CTNNA3: variants seen among roughly 807,000 people sequenced by gnomAD.
The protein encoded by CTNNA3 is catenin alpha-3.
Under a neutral mutation model 95.7 loss-of-function variants are expected in CTNNA3, and 76 were observed. The ratio of observed to expected loss-of-function variants is 0.79; its 90% CI spans 0.66 to 0.96. The LOEUF (loss-of-function observed/expected upper bound fraction) is 0.96. CTNNA3 is among the 40% of genes least tolerant of loss of function. CTNNA3 has a pLI of 0.00. For synonymous variants in CTNNA3, 431 were observed against 374.4 expected (o/e 1.15, Z -1.74); for missense variants, 1,191 against 1,089.8 (o/e 1.09, Z -1.31).
chr10:66,553,921 T>C (rs7912769), intron 10 of CTNNA3, among the ~76,000 whole-genome samples: 138,789 of 152,176 alleles, frequency 0.91, 63,623 homozygotes, highest in East Asian at 0.98. Context: ...AGGCTATTTT[T>C]GTCATATATT....
intron 11 of CTNNA3, among the ~76,000 whole-genome samples, chr10:66,393,130 T>A (rs1415059864): frequency 1.3e-5 from 2 of 151,962 alleles, no homozygotes; most frequent in Non-Finnish European, 2.9e-5. Flanking sequence ...ATGAAAGAAG[T>A]CAATCTGAAA....
intron 7 of CTNNA3, among the ~76,000 whole-genome samples, chr10:67,157,961 T>C (rs1269790037): frequency 6.6e-6 from 1 of 152,156 alleles, no homozygotes; most frequent in Non-Finnish European, 1.5e-5. Flanking sequence ...AAAGCAGTTA[T>C]ATGGTGGAGT....
chr10:66,159,130 C>A (rs1422351578), intron 13 of CTNNA3, among the ~76,000 whole-genome samples: 4 of 151,920 alleles, frequency 2.6e-5, no homozygotes, highest in Non-Finnish European at 5.9e-5. Context: ...TTCCTCTTTA[C>A]CAATTTGGAT....
chr10:67,185,028 A>G (rs1437679985), intron 6 of CTNNA3, among the ~76,000 whole-genome samples: 3 of 152,214 alleles, frequency 2.0e-5, no homozygotes, highest in African/African-American at 7.2e-5. Context: ...TGTAAAATGT[A>G]AACTAGAATA....
chr10:66,049,928 C>A (rs2079911843), intron 15 of CTNNA3, among the ~76,000 whole-genome samples: 1 of 152,090 alleles, frequency 6.6e-6, no homozygotes, highest in South Asian at 2.1e-4. Flanking sequence ...TTCACTTTTA[C>A]ACCCAAACTT....
chr10:66,786,759 T>C (rs544454632), intron 7 of CTNNA3, among the ~76,000 whole-genome samples: 20 of 152,314 alleles, frequency 1.3e-4, no homozygotes, highest in African/African-American at 4.6e-4. Flanking sequence ...ATATGAAATA[T>C]GCATTATTGG....
At chr10:66,929,761 T>C (rs1190684694) in intron 7 of CTNNA3, among the ~76,000 whole-genome samples, 1 of 152,332 alleles carries the variant, frequency 6.6e-6, no homozygotes, top group Middle Eastern at 3.4e-3. Flanking sequence ...GCTGCATGCA[T>C]GTTTTTATGT....
At chr10:65,949,754 A>G (rs2077579027) in intron 17 of CTNNA3, among the ~76,000 whole-genome samples, 2 of 152,176 alleles carry the variant, frequency 1.3e-5, no homozygotes, top group Admixed American at 1.3e-4. Flanking sequence ...ATTGGTTGTC[A>G]GAGCATGCAG....
chr10:66,193,586 A>G (rs992218851), intron 13 of CTNNA3, among the ~76,000 whole-genome samples: 1 of 152,214 alleles, frequency 6.6e-6, no homozygotes, highest in Admixed American at 6.5e-5. Flanking sequence ...ATCACTTAAA[A>G]TAAGCAATTT....
chr10:67,323,720 A>G (rs1277329995), intron 5 of CTNNA3, among the ~76,000 whole-genome samples: 2 of 152,116 alleles, frequency 1.3e-5, no homozygotes, highest in Non-Finnish European at 2.9e-5. Flanking sequence ...CCCCATAAGA[A>G]TTTTAAAATA....
At position 67,762,050 on chromosome 10, in the gene CTNNA3, T is replaced by C. The variant is rs183680927; in HGVS notation, c.-2+1384A>G. Among the ~76,000 whole-genome samples, 165 of 152,166 alleles carry C rather than the reference T, an allele frequency of 1.1e-3. 1 individual carries two copies. The highest frequency in any genetic ancestry group is 3.8e-3 in the African/African-American group (157 of 41,520). On this transcript the variant is annotated intron_variant, in intron 1 of 17. Coordinates refer to the CTNNA3 transcript ENST00000684154. ...TCTGTATTCCTAACTTGCCGCTCAC[T>C]GCATTAAATGACAATGCTAAAGACC...
At chr10:66,923,222 G>A (rs1157729508) in intron 7 of CTNNA3, among the ~76,000 whole-genome samples, 1 of 152,208 alleles carries the variant, frequency 6.6e-6, no homozygotes, top group Non-Finnish European at 1.5e-5. Context: ...TAACACAGCA[G>A]AGAATAATAT....
chr10:67,557,015 C>T (rs539798215), intron 3 of CTNNA3, among the ~76,000 whole-genome samples: 46 of 152,220 alleles, frequency 3.0e-4, no homozygotes, highest in South Asian at 4.1e-4. Context: ...GTTATGTACC[C>T]AGTAGTCATT....
chr10:66,642,269 C>A (rs1406073191), intron 9 of CTNNA3, among the ~76,000 whole-genome samples: 2 of 76,490 alleles, frequency 2.6e-5, no homozygotes, highest in Non-Finnish European at 6.1e-5. Flanking sequence ...CACACACACA[C>A]ACACACACAA....
At chr10:67,420,276 T>C (rs1218516911) in intron 5 of CTNNA3, among the ~76,000 whole-genome samples, 2 of 152,248 alleles carry the variant, frequency 1.3e-5, no homozygotes, top group Non-Finnish European at 2.9e-5. Flanking sequence ...TGCATGATAG[T>C]ATGATTTTTT....
At chr10:67,160,343 A>G (rs1861481023) in intron 7 of CTNNA3, among the ~76,000 whole-genome samples, 1 of 152,030 alleles carries the variant, frequency 6.6e-6, no homozygotes, top group African/African-American at 2.4e-5. Context: ...TAAAAATACT[A>G]TATGATCCAG....
intron 13 of CTNNA3, among the ~76,000 whole-genome samples, chr10:66,230,570 T>G (rs1293136795): frequency 6.6e-6 from 1 of 152,124 alleles, no homozygotes; most frequent in Non-Finnish European, 1.5e-5. Flanking sequence ...TGGTCCTTGG[T>G]CTCCAGGAGA....
intron 1 of CTNNA3, among the ~76,000 whole-genome samples, chr10:67,661,833 G>A (rs1840199639): frequency 6.6e-6 from 1 of 152,120 alleles, no homozygotes; most frequent in African/African-American, 2.4e-5. Context: ...GCCAAAATAT[G>A]TACTCCTCCA....
At chr10:67,049,769 G>C (rs1854969394) in intron 7 of CTNNA3, among the ~76,000 whole-genome samples, 1 of 152,180 alleles carries the variant, frequency 6.6e-6, no homozygotes, top group Non-Finnish European at 1.5e-5. Flanking sequence ...CACAGATTCT[G>C]TGTAGTAGCA....
Sources: allele counts gnomAD v4.1 joint callset (sites outside exome capture counted in the v4.1 genomes callset), GRCh38; gene constraint gnomAD v4.1.1; transcripts MANE v1.5; gene names NCBI Gene and HGNC (gene_info 2026-07-23, HGNC 2026-07-21).